Variants in SNX11 observed in about 807,000 individuals in gnomAD.
SNX11 encodes the protein sorting nexin-11.
In SNX11, 19 loss-of-function variants were observed where a neutral mutation model predicts 30.7. That is an observed-to-expected ratio of 0.62 (90% CI 0.43 to 0.91). The LOEUF (loss-of-function observed/expected upper bound fraction) is 0.91. Among genes scored for constraint, SNX11 ranks in the 40% least tolerant of loss-of-function variants. SNX11 has a pLI of 0.00. For missense variants in SNX11, 302 were observed against 326.7 expected, an observed-to-expected ratio of 0.92 and a Z score of 0.58; for synonymous variants, 112 against 119.0, an observed-to-expected ratio of 0.94 and a Z score of 0.38.
At chr17:48,112,730 C>CT in intron 3 of SNX11, 70 bp downstream of exon 3, 3 of 870,796 alleles carry the variant, frequency 3.4e-6, no homozygotes, top group East Asian at 2.7e-5. Flanking sequence ...TGAGGTGTAA[C>CT]CTTTTTTTTT....
At chr17:48,120,654 G>A (rs1357249241) in intron 6 of SNX11, among the ~76,000 whole-genome samples, 1 of 151,230 alleles carries the variant, frequency 6.6e-6, no homozygotes, top group Non-Finnish European at 1.5e-5. Flanking sequence ...GACTACAGGC[G>A]CCCGCCACCA....
At chr17:48,109,641 G>A (rs1249417102) in intron 1 of SNX11, among the ~76,000 whole-genome samples, 4 of 151,096 alleles carry the variant, frequency 2.6e-5, no homozygotes, top group African/African-American at 9.7e-5. Flanking sequence ...GCAGTGGCGC[G>A]ATCTCGGCTC....
chr17:48,115,419 G>A (rs534215820), intron 4 of SNX11, among the ~76,000 whole-genome samples: 41 of 152,182 alleles, frequency 2.7e-4, no homozygotes, highest in Admixed American at 1.3e-4. Flanking sequence ...ATCTAATTTC[G>A]AGTATTTTTA....
chr17:48,114,824 C>A (rs534295608), intron 4 of SNX11, among the ~76,000 whole-genome samples: 1 of 151,690 alleles, frequency 6.6e-6, no homozygotes, highest in Admixed American at 6.6e-5. Context: ...TGCCACCACG[C>A]CTGGCTGACT....
At chr17:48,114,302 C>T (rs909342825) in intron 4 of SNX11, among the ~76,000 whole-genome samples, 13 of 146,494 alleles carry the variant, frequency 8.9e-5, no homozygotes, top group African/African-American at 2.5e-4. Flanking sequence ...TACAGGCATG[C>T]GCCACCACTC....
intron 5 of SNX11, 86 bp downstream of exon 5, chr17:48,118,885 C>T (rs1201566361): frequency 1.3e-6 from 2 of 1,553,208 alleles, no homozygotes; most frequent in Admixed American, 1.7e-5. Context: ...GCTCCCTGCT[C>T]AGGTAGCCAG....
intron 1 of SNX11, chr17:48,110,656 G>C (rs138993787): frequency 6.5e-6 from 1 of 152,756 alleles, no homozygotes; most frequent in Non-Finnish European, 1.5e-5. Flanking sequence ...AGTACGGGAT[G>C]GGGGAGGAGA....
intron 4 of SNX11, among the ~76,000 whole-genome samples, chr17:48,114,684 C>CTTTT (rs35097487): frequency 5.3e-5 from 6 of 112,882 alleles, no homozygotes; most frequent in African/African-American, 7.0e-5. Flanking sequence ...GTTTTTTTTG[C>CTTTT]TTTTTTTTTT....
chr17:48,120,700 C>T (rs923422503), intron 6 of SNX11, among the ~76,000 whole-genome samples: 2 of 151,156 alleles, frequency 1.3e-5, no homozygotes, highest in African/African-American at 4.9e-5. Flanking sequence ...TTAGTAGAGA[C>T]GGGGTTTCAC....
rs769402995 is a variant in SNX11 at position 48,121,481 on chromosome 17, T to C, written c.786T>C (p.Gly262=). The C allele has an allele frequency of 6.2e-6, 10 of 1,613,832 alleles. No individual in the cohort carries two copies. The highest frequency in any genetic ancestry group is 1.7e-4 in the Middle Eastern group (1 of 5,830). Reference sequence around the variant, plus strand: ...ATCATGCTGTGCCTTTGGACCCTGGTCAGTTAGAAACAGTTTTGGAAAAGT... The same window carrying C: ...ATCATGCTGTGCCTTTGGACCCTGGCCAGTTAGAAACAGTTTTGGAAAAGT... ...GGDHAVPLDP[G]QLETVLEK The change falls in exon 7 of 7, where the codon GGT becomes GGC. Residue 262 remains glycine, a synonymous_variant. Coordinates refer to ENST00000359238, the MANE Select transcript of SNX11 (RefSeq NM_013323.3).
At chr17:48,120,903 A>AT (rs58848624) in intron 6 of SNX11, among the ~76,000 whole-genome samples, 102,695 of 145,222 alleles carry the variant, frequency 0.71, 36,714 homozygotes, top group East Asian at 0.81. Flanking sequence ...ATGCCCAGCC[A>AT]TTTTTTTTTT....
rs755017995 is a variant in SNX11 at position 48,112,610 on chromosome 17, C to G, written c.79C>G (p.Gln27Glu). The G allele has an allele frequency of 1.2e-6, 2 of 1,613,574 alleles. No homozygotes were observed. The highest frequency in any genetic ancestry group is 3.3e-5 in the Admixed American group (2 of 59,986). Residue 27 changes from glutamine to glutamate, a missense_variant, in exon 3 of 7, where the codon CAG (glutamine) becomes GAG (glutamate). Gln to Glu is a conservative substitution (Grantham distance 29). Transcript: ENST00000359238. ...AGTGCGTGTTCAGGACCCCCGAGTG[C>G]AGAATGAGGGCTCCTGGAACTCTTA... The part of the protein sequence containing the change: ...ITVRVQDPRV[Q>E]NEGSWNSYVD...
chr17:48,120,775 G>A (rs1247324262), intron 6 of SNX11, among the ~76,000 whole-genome samples: 2 of 151,822 alleles, frequency 1.3e-5, no homozygotes, highest in African/African-American at 4.8e-5. Flanking sequence ...CTCCCAAAGT[G>A]CTGGGATTAC....
chr17:48,111,021 G>C (rs2063487071), intron 1 of SNX11: 2 of 903,548 alleles, frequency 2.2e-6, no homozygotes, highest in Non-Finnish European at 2.6e-6. Flanking sequence ...CAGGGGCTGA[G>C]GCTTTAATGA....
At chr17:48,112,730 CCTTT>C in intron 3 of SNX11, 70 bp downstream of exon 3, 1 of 870,808 alleles carries the variant, frequency 1.1e-6, no homozygotes. Flanking sequence ...TGAGGTGTAA[CCTTT>C]TTTTTTTTTT....
chr17:48,109,220 C>T (rs1371146571), intron 1 of SNX11, among the ~76,000 whole-genome samples: 1 of 151,406 alleles, frequency 6.6e-6, no homozygotes, highest in Non-Finnish European at 1.5e-5. Flanking sequence ...GCGTGAGCCA[C>T]TGGGCCAGCC....
In SNX11 at chr17:48,118,963, G is replaced by T; in HGVS notation, c.327-11G>T. 1.2e-6 allele frequency: 2 copies of T among 1,613,688 alleles called. No individual in the cohort carries two copies. Among genetic ancestry groups the T allele is most frequent in the Non-Finnish European group, 1.7e-6 (2 of 1,179,764 alleles). ...TGATGCTCTGTGTTGTGCTACCTGTGTTTTTCCCAGGGTCCTGCAGAGTGT... is the reference window on the plus strand; with the variant it reads ...TGATGCTCTGTGTTGTGCTACCTGTTTTTTTCCCAGGGTCCTGCAGAGTGT... On this transcript the variant is annotated splice_polypyrimidine_tract_variant and intron_variant, in intron 5 of 6. Transcript: ENST00000359238.
chr17:48,121,268 C>G lies in SNX11; in HGVS notation c.573C>G (p.Ser191Arg). 1 of 1,614,162 alleles carries G rather than the reference C, an allele frequency of 6.2e-7. No individual in the cohort carries two copies. Among genetic ancestry groups the G allele is most frequent in the Non-Finnish European group, 8.5e-7 (1 of 1,180,014 alleles). ...CCFLPRSGRR[S>R]SPSPPPSEEK... ...TTCTTCCAAGATCGGGTAGGAGGAG[C>G]TCTCCCTCACCGCCTCCCAGTGAAG... is the stretch of plus-strand genomic sequence containing the variant. Residue 191 changes from serine to arginine, a missense_variant, in exon 7 of 7, where the codon AGC becomes AGG. Ser to Arg is a moderately radical substitution (Grantham distance 110, BLOSUM62 -1). Coordinates refer to ENST00000359238, the MANE Select transcript of SNX11 (RefSeq NM_013323.3).
chr17:48,111,750 G>A (rs1160241229), intron 1 of SNX11, among the ~76,000 whole-genome samples: 1 of 152,134 alleles, frequency 6.6e-6, no homozygotes, highest in East Asian at 1.9e-4. Context: ...TGTTCTGGCT[G>A]CGTGTGACAA....
Sources: gnomAD v4.1 joint callset for allele counts (sites outside exome capture counted in the v4.1 genomes callset) on GRCh38, gnomAD v4.1.1 for gene constraint, MANE v1.5 for transcripts, NCBI Gene and HGNC (gene_info 2026-07-23, HGNC 2026-07-21) for gene names.